Variants in NRG3 observed in about 807,000 individuals in gnomAD.
NRG3 encodes neuregulin 3.
NRG3 carries 31 observed loss-of-function variants against 66.9 expected under a neutral mutation model. The observed-to-expected ratio is 0.46, with a 90% CI of 0.35 to 0.63. NRG3 has a LOEUF of 0.63. Among genes scored for constraint, NRG3 ranks in the 20% least tolerant of loss-of-function variants. The pLI is 0.00. For missense variants in NRG3, 910 were observed against 878.9 expected, an observed-to-expected ratio of 1.04 and a Z score of -0.45; for synonymous variants, 393 against 359.4, an observed-to-expected ratio of 1.09 and a Z score of -1.06.
intron 4 of NRG3, among the ~76,000 whole-genome samples, chr10:82,945,723 C>G (rs1051200339): frequency 5.9e-5 from 9 of 152,232 alleles, no homozygotes; most frequent in African/African-American, 2.2e-4. Context: ...ATGAGTGGAG[C>G]CTTCATTGCC....
chr10:82,841,712 G>A (rs1294722370), intron 3 of NRG3, among the ~76,000 whole-genome samples: 2 of 152,186 alleles, frequency 1.3e-5, no homozygotes, highest in East Asian at 3.8e-4. Flanking sequence ...ACCAATTGTA[G>A]ATGTTAACCA....
chr10:82,029,141 G>A (rs1221196968), intron 1 of NRG3, among the ~76,000 whole-genome samples: 1 of 152,028 alleles, frequency 6.6e-6, no homozygotes, highest in East Asian at 1.9e-4. Flanking sequence ...CCTGGGAGGT[G>A]GAGGTTGCAG....
chr10:82,214,389 C>A (rs2075559788), intron 1 of NRG3, among the ~76,000 whole-genome samples: 1 of 152,086 alleles, frequency 6.6e-6, no homozygotes. Context: ...TCCAGTCTGT[C>A]CTACAGTAGT....
chr10:82,610,070 G>C (rs2133484324), intron 2 of NRG3, among the ~76,000 whole-genome samples: 1 of 152,238 alleles, frequency 6.6e-6, no homozygotes, highest in African/African-American at 2.4e-5. Context: ...TGAGGTCCCT[G>C]TCTCCTTGCT....
At chr10:82,158,258 A>T (rs1267739287) in intron 1 of NRG3, among the ~76,000 whole-genome samples, 5 of 151,836 alleles carry the variant, frequency 3.3e-5, no homozygotes, top group Admixed American at 3.3e-4. Flanking sequence ...CATGTCATTT[A>T]TTCATTGTTA....
At chr10:82,092,688 A>C (rs1020339772) in intron 1 of NRG3, among the ~76,000 whole-genome samples, 2 of 152,232 alleles carry the variant, frequency 1.3e-5, no homozygotes, top group Non-Finnish European at 2.9e-5. Flanking sequence ...TTTGTAGAGC[A>C]AATAACCTTG....
chr10:82,774,084 G>A (rs2135202075), intron 3 of NRG3, among the ~76,000 whole-genome samples: 2 of 152,238 alleles, frequency 1.3e-5, no homozygotes, highest in South Asian at 4.1e-4. Flanking sequence ...TTTTTGACGT[G>A]TTGCTAAATT....
intron 4 of NRG3, among the ~76,000 whole-genome samples, chr10:82,914,961 C>A (rs1005468316): frequency 2.6e-5 from 4 of 152,076 alleles, no homozygotes; most frequent in African/African-American, 4.8e-5. Flanking sequence ...AAAACTTTTT[C>A]TTTTCCCCTG....
At chr10:82,166,131 T>C (rs992621812) in intron 1 of NRG3, among the ~76,000 whole-genome samples, 3 of 152,154 alleles carry the variant, frequency 2.0e-5, no homozygotes, top group Admixed American at 2.0e-4. Context: ...CAAGCAATTC[T>C]CCTGCCTCAG....
intron 4 of NRG3, among the ~76,000 whole-genome samples, chr10:82,903,292 C>G (rs1216433584): frequency 1.3e-5 from 2 of 152,112 alleles, no homozygotes; most frequent in Non-Finnish European, 2.9e-5. Flanking sequence ...TGATACTAAT[C>G]ATCTCCATGT....
At position 81,886,456 on chromosome 10, in the gene NRG3, T is replaced by A. The variant is rs569006896; in HGVS notation, c.823+10293T>A. Among the ~76,000 whole-genome samples, 6 of 152,298 alleles carry A rather than the reference T, an allele frequency of 3.9e-5. No homozygotes were observed. In the South Asian group the frequency reaches 1.2e-3, roughly 32 times the overall value. Reference sequence around the variant, plus strand: ...CTTTAAAAAAAGTGCTTCTTCTACTTGACAAAGTTGTGAGAAGTTTAACGA... The same window carrying A: ...CTTTAAAAAAAGTGCTTCTTCTACTAGACAAAGTTGTGAGAAGTTTAACGA... On this transcript the variant is annotated intron_variant, in intron 1 of 8. Coordinates refer to ENST00000372141, the MANE Select transcript of NRG3 (RefSeq NM_001010848.4).
intron 1 of NRG3, among the ~76,000 whole-genome samples, chr10:81,958,180 G>A (rs903229949): frequency 6.6e-6 from 1 of 152,162 alleles, no homozygotes; most frequent in African/African-American, 2.4e-5. Flanking sequence ...TGACTGAGCC[G>A]TGCAAGTTCT....
chr10:82,189,464 T>A (rs1355991248), intron 1 of NRG3, among the ~76,000 whole-genome samples: 4 of 151,780 alleles, frequency 2.6e-5, no homozygotes, highest in South Asian at 2.1e-4. Flanking sequence ...CAAACCAGCC[T>A]GGCCAACATG....
At chr10:82,101,860 A>G (rs1319831941) in intron 1 of NRG3, among the ~76,000 whole-genome samples, 1 of 151,054 alleles carries the variant, frequency 6.6e-6, no homozygotes, top group Admixed American at 6.6e-5. Context: ...CAAGTCTCCC[A>G]TATTGTTGCT....
At chr10:82,786,705 CA>C (rs1041876590) in intron 3 of NRG3, among the ~76,000 whole-genome samples, 2 of 152,042 alleles carry the variant, frequency 1.3e-5, no homozygotes, top group African/African-American at 4.8e-5. Context: ...TTTTCCAAGC[CA>C]GGGGGCAGCA....
intron 1 of NRG3, among the ~76,000 whole-genome samples, chr10:82,238,163 C>T (rs1478510647): frequency 6.6e-6 from 1 of 151,994 alleles, no homozygotes; most frequent in African/African-American, 2.4e-5. Flanking sequence ...TTTACAAAGC[C>T]TGAATTTGTC....
At chr10:82,504,177 T>TTC (rs1259179155) in intron 2 of NRG3, among the ~76,000 whole-genome samples, 12 of 152,228 alleles carry the variant, frequency 7.9e-5, no homozygotes, top group Admixed American at 4.6e-4. Context: ...TCTATAACTC[T>TTC]GTGCCCTTCA....
chr10:82,895,078 CT>C (rs1843521124), intron 4 of NRG3, among the ~76,000 whole-genome samples: 1 of 152,288 alleles, frequency 6.6e-6, no homozygotes, highest in Non-Finnish European at 1.5e-5. Flanking sequence ...TGAACTCATT[CT>C]TTTTTATGGC....
chr10:82,921,206 C>T (rs1478952971), intron 4 of NRG3, among the ~76,000 whole-genome samples: 2 of 152,068 alleles, frequency 1.3e-5, no homozygotes, highest in African/African-American at 2.4e-5. Flanking sequence ...AAATAAATTA[C>T]CCTAGTCTAG....
Sources: gnomAD v4.1 joint callset for allele counts (sites outside exome capture counted in the v4.1 genomes callset) on GRCh38, gnomAD v4.1.1 for gene constraint, MANE v1.5 for transcripts, NCBI Gene and HGNC (gene_info 2026-07-23, HGNC 2026-07-21) for gene names.